TECRL: variants seen among roughly 807,000 people sequenced by gnomAD.
The protein encoded by TECRL is trans-2,3-enoyl-CoA reductase like.
TECRL carries 63 observed loss-of-function variants against 52.8 expected under a neutral mutation model. That is an observed-to-expected ratio of 1.19 (90% CI 0.97 to 1.47). The LOEUF (loss-of-function observed/expected upper bound fraction) is 1.47. Among genes scored for constraint, TECRL ranks in the 40% most tolerant of loss-of-function variants. The pLI, the probability that TECRL is intolerant of heterozygous loss-of-function variation, is 0.00. For missense variants in TECRL, 482 were observed against 429.6 expected (o/e 1.12, Z -1.08); for synonymous variants, 164 against 141.9 (o/e 1.16, Z -1.10).
Position 64,278,212 on chromosome 4 carries a change from T to C in TECRL, c.*1860A>G, listed in dbSNP as rs1387905560. On this transcript the variant is annotated 3_prime_UTR_variant, in exon 12 of 12. Transcript: ENST00000381210. ...TTCAAATAATCTACAGAAAATATTT[T>C]AATTGTAAATTTCAGTATGATAACA... The C allele has an allele frequency of 6.6e-6, 1 of 151,750 alleles. No individual in the cohort carries two copies. Among genetic ancestry groups the C allele is most frequent in the African/African-American group, 2.4e-5 (1 of 41,406 alleles). The allele number at this position is 151,750 out of a possible 1,614,324, so 9.4% of individuals were successfully genotyped here.
At chr4:64,359,930 C>T (rs772378398) in intron 2 of TECRL, among the ~76,000 whole-genome samples, 9 of 151,932 alleles carry the variant, frequency 5.9e-5, no homozygotes, top group Admixed American at 5.9e-4. Flanking sequence ...TTTTTATTGA[C>T]GCACAAAGAA....
chr4:64,308,953 T>C (rs1191389804), intron 6 of TECRL, among the ~76,000 whole-genome samples: 6 of 152,230 alleles, frequency 3.9e-5, no homozygotes, highest in Non-Finnish European at 8.8e-5. Context: ...AATATTTTTC[T>C]AACAATTAGT....
At chr4:64,352,172 A>C (rs761505267) in intron 2 of TECRL, among the ~76,000 whole-genome samples, 2 of 152,200 alleles carry the variant, frequency 1.3e-5, no homozygotes, top group African/African-American at 2.4e-5. Context: ...ACAGTTTATT[A>C]CTTCAAATAC....
intron 2 of TECRL, among the ~76,000 whole-genome samples, chr4:64,374,351 T>C (rs1203913845): frequency 1.3e-5 from 2 of 151,534 alleles, no homozygotes; most frequent in African/African-American, 4.8e-5. Context: ...TTTTTTTTCT[T>C]TATGGGAAGG....
At chr4:64,398,615 G>T in intron 1 of TECRL, among the ~76,000 whole-genome samples, 1 of 152,124 alleles carries the variant, frequency 6.6e-6, no homozygotes, top group Non-Finnish European at 1.5e-5. Flanking sequence ...AGAACTATGG[G>T]ACAATTAAAC....
intron 8 of TECRL, among the ~76,000 whole-genome samples, chr4:64,294,875 A>C (rs1207679266): frequency 6.6e-6 from 1 of 152,062 alleles, no homozygotes; most frequent in Non-Finnish European, 1.5e-5. Flanking sequence ...TCACTTAGGA[A>C]ATTTATTAAC....
intron 9 of TECRL, among the ~76,000 whole-genome samples, chr4:64,283,416 C>G (rs1454537053): frequency 6.6e-6 from 1 of 151,994 alleles, no homozygotes; most frequent in African/African-American, 2.4e-5. Context: ...AATGAGTACT[C>G]CATAGCTGAT....
At chr4:64,403,475 G>GCGCGCACACACACACA (rs59253067) in intron 1 of TECRL, among the ~76,000 whole-genome samples, 2,506 of 148,312 alleles carry the variant, frequency 0.017, 82 homozygotes, top group African/African-American at 0.059. Context: ...CTCCCTGAGC[G>GCGCGCACACACACACA]CACACACACA....
In TECRL at chr4:64,400,730, C is replaced by T. The variant is rs537009529; in HGVS notation, c.234+8388G>A. 7.4e-4 allele frequency among the ~76,000 whole-genome samples: 112 copies of T among 152,176 alleles called. 1 individual carries two copies. The highest frequency in any genetic ancestry group is 2.6e-3 in the African/African-American group (109 of 41,528). On this transcript the variant is annotated intron_variant, in intron 1 of 11. Transcript: ENST00000381210. ...AGTGTGTGCCATCTCCCCTCTCTTCCTCTTTTCTCCTGCTTTGGTCATGGG... is the reference window on the plus strand; with the variant it reads ...AGTGTGTGCCATCTCCCCTCTCTTCTTCTTTTCTCCTGCTTTGGTCATGGG...
At chr4:64,367,406 T>G (rs965595074) in intron 2 of TECRL, among the ~76,000 whole-genome samples, 1 of 152,066 alleles carries the variant, frequency 6.6e-6, no homozygotes, top group African/African-American at 2.4e-5. Context: ...AATAATAAAA[T>G]AAAATTCTTA....
chr4:64,307,046 C>T (rs987860386), intron 6 of TECRL, among the ~76,000 whole-genome samples: 1 of 152,126 alleles, frequency 6.6e-6, no homozygotes, highest in South Asian at 2.1e-4. Flanking sequence ...GCCAAGCCAA[C>T]CCCTATATTT....
At chr4:64,284,681 G>C (rs539131261) in intron 9 of TECRL, among the ~76,000 whole-genome samples, 1 of 152,068 alleles carries the variant, frequency 6.6e-6, no homozygotes, top group Non-Finnish European at 1.5e-5. Context: ...TTCATAGGAG[G>C]CTTGACCCAC....
intron 2 of TECRL, among the ~76,000 whole-genome samples, chr4:64,360,788 C>G (rs909985894): frequency 2.0e-5 from 3 of 152,096 alleles, no homozygotes; most frequent in Non-Finnish European, 2.9e-5. Context: ...ATGGCCTACT[C>G]TCACTATGGA....
Position 64,331,211 on chromosome 4 carries a change from T to C in TECRL, c.287-2655A>G, listed in dbSNP as rs542931982. On this transcript the variant is annotated intron_variant, in intron 2 of 11. Transcript: ENST00000381210. ...ATGTCAATCTCTGCCTGTTCAAAGA[T>C]AGAAAATATATATCCCCTGAGAATT... Among the ~76,000 whole-genome samples, 4 of 152,202 alleles carry C rather than the reference T, an allele frequency of 2.6e-5. No individual in the cohort carries two copies. In the South Asian group the frequency reaches 8.3e-4, roughly 32 times the overall value.
intron 1 of TECRL, among the ~76,000 whole-genome samples, chr4:64,400,980 C>G (rs965799789): frequency 6.6e-6 from 1 of 152,178 alleles, no homozygotes; most frequent in African/African-American, 2.4e-5. Flanking sequence ...AGTGTCACAA[C>G]CTGGATAAGT....
intron 2 of TECRL, among the ~76,000 whole-genome samples, chr4:64,355,502 G>A (rs1249792717): frequency 6.6e-6 from 1 of 152,000 alleles, no homozygotes; most frequent in Non-Finnish European, 1.5e-5. Context: ...GTATTATTAA[G>A]AATAAGTTAA....
At chr4:64,305,752 T>C (rs1724298442) in intron 6 of TECRL, among the ~76,000 whole-genome samples, 1 of 151,848 alleles carries the variant, frequency 6.6e-6, no homozygotes, top group Non-Finnish European at 1.5e-5. Context: ...CAAGATGGAG[T>C]AGCTATAGCC....
chr4:64,382,197 A>G (rs1440402601), intron 1 of TECRL, among the ~76,000 whole-genome samples: 1 of 1,102 alleles, frequency 9.1e-4, no homozygotes, highest in African/African-American at 1.2e-3. Flanking sequence ...TTCTGTATAT[A>G]TATATATATA....
In TECRL at chr4:64,281,077, A is replaced by G. The variant is rs1722799830; in HGVS notation, c.928T>C (p.Trp310Arg). The change falls in exon 11 of 12, where the codon TGG (tryptophan) becomes CGG (arginine). Residue 310 changes from tryptophan to arginine, a missense_variant. Transcript: ENST00000381210. ...TGTGTCATGACTGTGAAACTAATCC[A>G]TGATCCAATCTGTTATATTAAAACT... The part of the protein sequence containing the change: ...CPNYTYEIGS[W>R]ISFTVMTQTL... 2.5e-6 allele frequency: 4 copies of G among 1,602,146 alleles called. No homozygotes were observed. The highest frequency in any genetic ancestry group is 2.2e-5 in the East Asian group (1 of 44,602).
Sources: allele counts gnomAD v4.1 joint callset (sites outside exome capture counted in the v4.1 genomes callset), GRCh38; gene constraint gnomAD v4.1.1; transcripts MANE v1.5; gene names NCBI Gene and HGNC (gene_info 2026-07-23, HGNC 2026-07-21).